NLGN1: variants seen among roughly 807,000 people sequenced by gnomAD.
NLGN1 encodes neuroligin 1.
Under a neutral mutation model 65.5 loss-of-function variants are expected in NLGN1, and 12 were observed. That is an observed-to-expected ratio of 0.18 (90% confidence interval 0.12 to 0.30). The LOEUF (loss-of-function observed/expected upper bound fraction) is 0.30. NLGN1 is among the 10% of genes least tolerant of loss of function. The pLI is 1.00. For missense variants in NLGN1, 750 were observed against 1,007.1 expected (o/e 0.74, Z 3.46); for synonymous variants, 350 against 359.5 (o/e 0.97, Z 0.30).
chr3:173,605,626 A>G (rs1447903891), intron 3 of NLGN1, 33 bp downstream of exon 3: 2 of 1,088,632 alleles, frequency 1.8e-6, no homozygotes, highest in African/African-American at 1.6e-5. Context: ...AAAATGGGGG[A>G]AAAAGCTTGC....
chr3:174,088,395 G>A (rs1001973659), intron 4 of NLGN1, among the ~76,000 whole-genome samples: 7 of 152,134 alleles, frequency 4.6e-5, no homozygotes, highest in Non-Finnish European at 1.0e-4. Flanking sequence ...CCGCAATTGA[G>A]GGCGTTGTTT....
At chr3:174,028,903 G>A (rs1049560514) in intron 4 of NLGN1, among the ~76,000 whole-genome samples, 3 of 152,100 alleles carry the variant, frequency 2.0e-5, no homozygotes, top group Non-Finnish European at 2.9e-5. Context: ...TGCTTTGTGC[G>A]GTCTCAAGAC....
chr3:173,427,579 T>G (rs2148723910), intron 1 of NLGN1, among the ~76,000 whole-genome samples: 1 of 152,104 alleles, frequency 6.6e-6, no homozygotes, highest in Admixed American at 6.5e-5. Context: ...CATTGGTTTT[T>G]CAAGGCCATG....
chr3:174,185,351 T>C (rs1255486534), intron 4 of NLGN1, among the ~76,000 whole-genome samples: 1 of 152,144 alleles, frequency 6.6e-6, no homozygotes, highest in Non-Finnish European at 1.5e-5. Context: ...TATAGAAATA[T>C]AATATCTGCA....
intron 3 of NLGN1, among the ~76,000 whole-genome samples, chr3:173,672,034 C>T (rs759794050): frequency 3.9e-5 from 6 of 151,934 alleles, no homozygotes; most frequent in Admixed American, 6.6e-5. Context: ...ATTAGCCGGG[C>T]GTGGTGGCAG....
chr3:173,431,365 T>C (rs1276679118), intron 1 of NLGN1, among the ~76,000 whole-genome samples: 1 of 151,870 alleles, frequency 6.6e-6, no homozygotes, highest in Non-Finnish European at 1.5e-5. Context: ...TTGGGGCAAA[T>C]ATGGAGCAAA....
intron 4 of NLGN1, among the ~76,000 whole-genome samples, chr3:174,038,411 C>A (rs948229554): frequency 6.6e-6 from 1 of 152,130 alleles, no homozygotes; most frequent in Non-Finnish European, 1.5e-5. Context: ...GAGTCTATGT[C>A]ATTTGCCCTT....
chr3:174,192,187 A>G (rs1291155613), intron 4 of NLGN1, among the ~76,000 whole-genome samples: 2 of 152,202 alleles, frequency 1.3e-5, no homozygotes, highest in Non-Finnish European at 2.9e-5. Flanking sequence ...TTGAAGAAAA[A>G]AAAACATAAA....
intron 4 of NLGN1, among the ~76,000 whole-genome samples, chr3:174,118,939 TCTC>T (rs1029033121): frequency 4.6e-5 from 7 of 152,128 alleles, no homozygotes; most frequent in African/African-American, 1.4e-4. Context: ...CCGTATGTAA[TCTC>T]AATATTCTTC....
chr3:173,545,427 G>GA (rs1739626477), intron 2 of NLGN1, among the ~76,000 whole-genome samples: 1 of 151,898 alleles, frequency 6.6e-6, no homozygotes, highest in African/African-American at 2.4e-5. Context: ...GGCAGAAATA[G>GA]AAAAAAATGT....
intron 3 of NLGN1, among the ~76,000 whole-genome samples, chr3:173,626,611 G>A (rs570266816): frequency 3.3e-5 from 5 of 152,154 alleles, no homozygotes; most frequent in Non-Finnish European, 7.4e-5. Context: ...ATATAAAGTA[G>A]ATGAGAATTA....
At chr3:174,148,480 A>G (rs985239482) in intron 4 of NLGN1, among the ~76,000 whole-genome samples, 42 of 152,148 alleles carry the variant, frequency 2.8e-4, no homozygotes, top group African/African-American at 9.4e-4. Context: ...CTATAGCTAC[A>G]CTTGCATTTT....
chr3:173,643,977 C>A (rs1027166687), intron 3 of NLGN1, among the ~76,000 whole-genome samples: 20 of 152,198 alleles, frequency 1.3e-4, no homozygotes. Context: ...TGGAAGCTGC[C>A]AGTCCACCAG....
chr3:173,545,155 A>G (rs75339596), intron 2 of NLGN1, among the ~76,000 whole-genome samples: 60 of 151,976 alleles, frequency 3.9e-4, no homozygotes, highest in East Asian at 7.7e-4. Context: ...GCTCACTGCA[A>G]CCTCTGCCTC....
chr3:173,800,021 A>C (rs66726023), intron 3 of NLGN1, among the ~76,000 whole-genome samples: 1 of 20,476 alleles, frequency 4.9e-5, no homozygotes. Context: ...TTTTTTTTTT[A>C]AAAGTCTTTG....
intron 2 of NLGN1, among the ~76,000 whole-genome samples, chr3:173,464,554 G>A (rs980245726): frequency 6.6e-6 from 1 of 151,174 alleles, no homozygotes; most frequent in African/African-American, 2.4e-5. Context: ...TCCTGCCTTG[G>A]CCTCCCAAGT....
chr3:173,529,659 C>A (rs568128970), intron 2 of NLGN1, among the ~76,000 whole-genome samples: 3 of 152,144 alleles, frequency 2.0e-5, no homozygotes, highest in African/African-American at 7.2e-5. Context: ...AGCTGAATGC[C>A]GTGGGAAATG....
intron 4 of NLGN1, among the ~76,000 whole-genome samples, chr3:173,935,593 TACACACACACAC>T (rs769538665): frequency 7.0e-6 from 1 of 142,688 alleles, no homozygotes; most frequent in Admixed American, 7.2e-5. Context: ...ATATACAGTC[TACACACACACAC>T]ACACACACAC....
intron 4 of NLGN1, among the ~76,000 whole-genome samples, chr3:174,036,280 G>C (rs1372727251): frequency 2.6e-5 from 4 of 152,092 alleles, no homozygotes; most frequent in African/African-American, 9.7e-5. Context: ...CTCTTATGTA[G>C]TACTGATTAT....
Sources: allele counts gnomAD v4.1 joint callset (sites outside exome capture counted in the v4.1 genomes callset), GRCh38; gene constraint gnomAD v4.1.1; transcripts MANE v1.5; gene names NCBI Gene and HGNC (gene_info 2026-07-23, HGNC 2026-07-21).